The following SLC38A4 variants were observed in gnomAD, a reference collection of about 807,000 sequenced individuals.
The protein encoded by SLC38A4 is sodium-coupled neutral amino acid transporter 4.
In SLC38A4, 20 loss-of-function variants were observed where a neutral mutation model predicts 63.1. That is an observed-to-expected ratio of 0.32 (90% CI 0.22 to 0.46). SLC38A4 has a LOEUF of 0.46. SLC38A4 is among the 20% of genes least tolerant of loss of function. The pLI is 1.00. For missense variants in SLC38A4, 526 were observed against 663.6 expected (o/e 0.79, Z 2.28); for synonymous variants, 230 against 225.5 (o/e 1.02, Z -0.18).
rs1300026239 is a variant in SLC38A4, at chr12:46,803,720, T to A, written c.-230A>T. ...ATCTAGACATTGATTTAAAGACCAG[T>A]GGGAGTGAACGAGACAAGCCAATCA... On this transcript the variant is annotated 5_prime_UTR_variant, in exon 2 of 17. Transcript: ENST00000266579. 1 of 151,112 alleles carries A rather than the reference T, an allele frequency of 6.6e-6. No homozygotes were observed. Among genetic ancestry groups the A allele is most frequent in the Non-Finnish European group, 1.5e-5 (1 of 67,804 alleles). The allele number at this position is 151,112 out of a possible 1,614,324, so 9.4% of individuals were successfully genotyped here. A position where few individuals can be genotyped will look rare whatever the true frequency, so the allele number is the denominator to read the frequency against.
At chr12:46,769,510 T>C (rs990161224) in intron 14 of SLC38A4, 82 bp from the exon 15 acceptor site, 11 of 1,443,226 alleles carry the variant, frequency 7.6e-6, no homozygotes, top group South Asian at 1.3e-5. Flanking sequence ...ATCACTCTAA[T>C]GCATTTTCTT....
chr12:46,777,686 T>TA (rs1938558464), intron 12 of SLC38A4, among the ~76,000 whole-genome samples: 1 of 152,014 alleles, frequency 6.6e-6, no homozygotes, highest in African/African-American at 2.4e-5. Flanking sequence ...GGAAAACAGC[T>TA]ATAATGAGTT....
intron 1 of SLC38A4, among the ~76,000 whole-genome samples, chr12:46,820,272 T>C (rs1056326325): frequency 6.6e-6 from 1 of 152,002 alleles, no homozygotes; most frequent in African/African-American, 2.4e-5. Flanking sequence ...ACAGCAGATC[T>C]CTAGAACTAA....
chr12:46,824,423 T>G (rs1342280230), intron 1 of SLC38A4: 1 of 152,182 alleles, frequency 6.6e-6, no homozygotes, highest in African/African-American at 2.4e-5. Context: ...ATAAAAATAT[T>G]CACATTTCGT....
chr12:46,810,481 G>GTA (rs1939318631), intron 1 of SLC38A4, among the ~76,000 whole-genome samples: 1 of 151,490 alleles, frequency 6.6e-6, no homozygotes. Flanking sequence ...CATGGCATGT[G>GTA]TATACCTATG....
chr12:46,778,496 C>T lies in SLC38A4; in HGVS notation c.993+5G>A, dbSNP rs1191689479. 1 of 1,610,314 alleles carries T rather than the reference C, an allele frequency of 6.2e-7. No individual in the cohort carries two copies. Among genetic ancestry groups the T allele is most frequent in the African/African-American group, 1.3e-5 (1 of 74,770 alleles). On this transcript the variant is annotated splice_donor_5th_base_variant and intron_variant, in intron 11 of 16. Coordinates refer to ENST00000266579, the MANE Select transcript of SLC38A4 (RefSeq NM_018018.5). ...ACTCATTAGAAGCCCGGACCGCTCA[C>T]TTACCCGGGAGTTGAATACAAAGTA...
At chr12:46,803,959 C>T (rs573744304) in intron 1 of SLC38A4, among the ~76,000 whole-genome samples, 165 bp from the exon 2 acceptor site, 1 of 152,074 alleles carries the variant, frequency 6.6e-6, no homozygotes, top group South Asian at 2.1e-4. Flanking sequence ...TAAGATTTTA[C>T]TAGGTTGGTT....
chr12:46,799,361 G>A (rs1179517762), intron 2 of SLC38A4, among the ~76,000 whole-genome samples: 1 of 152,014 alleles, frequency 6.6e-6, no homozygotes, highest in Non-Finnish European at 1.5e-5. Flanking sequence ...CAGAGCTTTG[G>A]GAGGCTGAGG....
At chr12:46,830,450 C>T (rs1297494273), upstream of SLC38A4, among the ~76,000 whole-genome samples, 1 of 152,058 alleles carries the variant, frequency 6.6e-6, no homozygotes. Context: ...CCCTGCTAGG[C>T]CCTGGAAATT....
In SLC38A4 at chr12:46,787,999, T is replaced by C. The variant is rs754388808; in HGVS notation, c.243A>G (p.Ser81=). The C allele has an allele frequency of 6.2e-7, 1 of 1,613,718 alleles. No homozygotes were observed. The highest frequency in any genetic ancestry group is 1.3e-5 in the African/African-American group (1 of 74,908). Residue 81 remains serine (S), a synonymous_variant, in exon 5 of 17, where the codon TCA becomes TCG. Transcript: ENST00000266579. The stretch of plus-strand genomic sequence containing the variant: ...CCATGATGGCATTACTCAGGTTAAA[T>C]GAAGACATTCCAAAGGAAGTGGTTC... ...HPGTTSFGMS[S]FNLSNAIMGS... is the part of the protein sequence containing the mutation.
chr12:46,821,727 A>G (rs1285680091), intron 1 of SLC38A4, among the ~76,000 whole-genome samples: 1 of 152,110 alleles, frequency 6.6e-6, no homozygotes, highest in Non-Finnish European at 1.5e-5. Context: ...TTTCTGTAAA[A>G]AATGCCATTG....
chr12:46,823,988 G>A (rs1170209196), intron 1 of SLC38A4, among the ~76,000 whole-genome samples: 1 of 152,228 alleles, frequency 6.6e-6, no homozygotes, highest in African/African-American at 2.4e-5. Flanking sequence ...GGTGAAAGTA[G>A]TGTAACACTG....
intron 1 of SLC38A4, among the ~76,000 whole-genome samples, chr12:46,812,286 A>C (rs1369794095): frequency 6.6e-6 from 1 of 151,954 alleles, no homozygotes; most frequent in African/African-American, 2.4e-5. Flanking sequence ...GGCTGATGGC[A>C]TTTCCTTTGA....
chr12:46,798,050 T>G (rs1454695982), intron 2 of SLC38A4, among the ~76,000 whole-genome samples: 1 of 152,172 alleles, frequency 6.6e-6, no homozygotes, highest in Non-Finnish European at 1.5e-5. Context: ...CCTTCACTCT[T>G]GTCCAAGCTA....
At chr12:46,785,399 C>CT (rs113542559) in intron 5 of SLC38A4, among the ~76,000 whole-genome samples, 4 of 152,070 alleles carry the variant, frequency 2.6e-5, no homozygotes, top group Non-Finnish European at 4.4e-5. Context: ...AAGTCCCTAA[C>CT]TTTTTTAATG....
At chr12:46,799,087 C>T (rs1939076191) in intron 2 of SLC38A4, among the ~76,000 whole-genome samples, 2 of 152,012 alleles carry the variant, frequency 1.3e-5, no homozygotes, top group South Asian at 4.2e-4. Flanking sequence ...TATAGTAGGC[C>T]TTCAATAAAT....
chr12:46,807,489 T>A (rs1939256575), intron 1 of SLC38A4, among the ~76,000 whole-genome samples: 1 of 151,992 alleles, frequency 6.6e-6, no homozygotes, highest in African/African-American at 2.4e-5. Flanking sequence ...AACAATATTT[T>A]GATTACTTCT....
At chr12:46,807,587 G>C (rs1433642830) in intron 1 of SLC38A4, among the ~76,000 whole-genome samples, 1 of 151,680 alleles carries the variant, frequency 6.6e-6, no homozygotes, top group Non-Finnish European at 1.5e-5. Flanking sequence ...TCATTGTTTT[G>C]GCACTTCAAA....
chr12:46,794,805 A>T (rs1938965950), intron 2 of SLC38A4, among the ~76,000 whole-genome samples: 7 of 151,998 alleles, frequency 4.6e-5, no homozygotes, highest in Admixed American at 3.9e-4. Context: ...ATGGCAGAGA[A>T]TTGTCTAGAA....
Sources: gnomAD v4.1 joint callset for allele counts (sites outside exome capture counted in the v4.1 genomes callset) on GRCh38, gnomAD v4.1.1 for gene constraint, MANE v1.5 for transcripts, NCBI Gene and HGNC (gene_info 2026-07-23, HGNC 2026-07-21) for gene names.